Variants in TRAF3 observed in about 807,000 individuals in gnomAD.
TRAF3 encodes TNF receptor-associated factor 3.
A neutral mutation model predicts 62.3 loss-of-function variants in TRAF3; 13 were observed. The observed-to-expected ratio is 0.21, with a 90% CI of 0.14 to 0.33. TRAF3 has a LOEUF of 0.33. Among genes scored for constraint, TRAF3 ranks in the 10% least tolerant of loss-of-function variants. The pLI is 1.00. For synonymous variants in TRAF3, 269 were observed against 283.4 expected (o/e 0.95, Z 0.51); for missense variants, 440 against 741.8 (o/e 0.59, Z 4.73).
intron 1 of TRAF3, among the ~76,000 whole-genome samples, 197 bp from the exon 2 acceptor site, chr14:102,830,137 G>C (rs1900584237): frequency 6.6e-6 from 1 of 152,202 alleles, no homozygotes; most frequent in African/African-American, 2.4e-5. Flanking sequence ...CTCCTAGAGG[G>C]CCTGGCCAGA....
At chr14:102,800,961 G>A (rs1222728003) in intron 1 of TRAF3, among the ~76,000 whole-genome samples, 1 of 151,470 alleles carries the variant, frequency 6.6e-6, no homozygotes, top group East Asian at 1.9e-4. Flanking sequence ...GGCGGATCAC[G>A]AGGTCAGGAG....
intron 1 of TRAF3, among the ~76,000 whole-genome samples, chr14:102,807,445 C>G (rs952194590): frequency 7.2e-5 from 11 of 152,204 alleles, no homozygotes; most frequent in African/African-American, 2.4e-4. Context: ...AGGGCTGTGT[C>G]CCTTTCTACT....
intron 1 of TRAF3, among the ~76,000 whole-genome samples, chr14:102,785,805 C>T (rs1246239994): frequency 6.6e-6 from 1 of 152,158 alleles, no homozygotes; most frequent in East Asian, 1.9e-4. Flanking sequence ...TTTGTACCTG[C>T]TCCAGGAAGG....
At chr14:102,820,616 T>TATATATA (rs1899913065) in intron 1 of TRAF3, among the ~76,000 whole-genome samples, 1 of 21,656 alleles carries the variant, frequency 4.6e-5, no homozygotes, top group Non-Finnish European at 6.8e-5. Context: ...ATATATATAT[T>TATATATA]TTTTTTTTTT....
intron 1 of TRAF3, among the ~76,000 whole-genome samples, chr14:102,780,599 A>G (rs1477914030): frequency 6.6e-6 from 1 of 151,724 alleles, no homozygotes; most frequent in Admixed American, 6.6e-5. Context: ...GTGGGATGTC[A>G]TAAATGTTGA....
chr14:102,866,509 G>A (rs1201490747), intron 2 of TRAF3, among the ~76,000 whole-genome samples: 2 of 151,994 alleles, frequency 1.3e-5, no homozygotes, highest in Non-Finnish European at 2.9e-5. Flanking sequence ...AATAGATGGG[G>A]AATCTCCCCA....
Position 102,795,596 on chromosome 14 carries a change from A to ATGTGTGTGTGTGTGTGTGTGTG in TRAF3, c.-157+17922_-157+17923insGTGTGTGTGTGTGTGTGTGTGT, listed in dbSNP as rs1189667975. Among the ~76,000 whole-genome samples, 23 of 129,244 alleles carry ATGTGTGTGTGTGTGTGTGTGTG rather than the reference A, an allele frequency of 1.8e-4. No homozygotes were observed. The South Asian group carries it at 3.5e-3, about 19-fold the overall frequency. 84.8% of individuals were successfully genotyped at this position (129,244 alleles called of 152,430 possible). A position where few individuals can be genotyped will look rare whatever the true frequency, so the allele number is the denominator to read the frequency against. ...CATGATATGTATGCATGATATGTAT[A>ATGTGTGTGTGTGTGTGTGTGTG]TATGTGTGTGTGTGTGTGTGTGTGC... On this transcript the variant is annotated intron_variant, in intron 1 of 11. Transcript: ENST00000392745.
chr14:102,898,683 A>G (rs1890124061), intron 10 of TRAF3, among the ~76,000 whole-genome samples: 1 of 152,252 alleles, frequency 6.6e-6, no homozygotes, highest in Admixed American at 6.5e-5. Flanking sequence ...AAGTTAGAAT[A>G]TACACAGTGA....
rs184812720 is a variant in TRAF3 at position 102,871,980 on chromosome 14, T to G, written c.297+12T>G. On this transcript the variant is annotated intron_variant, in intron 4 of 11. Transcript: ENST00000392745. ...TCGTTAAAGATAAGGTATTCTGGGGTTTTTTTTAATCATTTTGTCACATGT... is the reference window on the plus strand; with the variant it reads ...TCGTTAAAGATAAGGTATTCTGGGGGTTTTTTTAATCATTTTGTCACATGT... 9.6e-4 allele frequency: 1,545 copies of G among 1,611,426 alleles called. 12 individuals carry two copies. In the African/African-American group the frequency reaches 0.018, roughly 19 times the overall value.
intron 1 of TRAF3, among the ~76,000 whole-genome samples, chr14:102,791,409 T>C (rs1897785882): frequency 6.6e-6 from 1 of 152,370 alleles, no homozygotes; most frequent in Non-Finnish European, 1.5e-5. Flanking sequence ...TTCATCTCTT[T>C]GGATAAATTT....
chr14:102,791,648 T>C, intron 1 of TRAF3, among the ~76,000 whole-genome samples: 1 of 152,238 alleles, frequency 6.6e-6, no homozygotes, highest in Non-Finnish European at 1.5e-5. Context: ...CTCTTCTTTC[T>C]AATTTGAATG....
intron 1 of TRAF3, among the ~76,000 whole-genome samples, chr14:102,805,443 C>A (rs1364764756): frequency 6.6e-6 from 1 of 152,160 alleles, no homozygotes; most frequent in African/African-American, 2.4e-5. Context: ...CCAGATGAGA[C>A]CCTCACTGCC....
At chr14:102,825,582 C>T (rs1900257486) in intron 1 of TRAF3, among the ~76,000 whole-genome samples, 2 of 152,238 alleles carry the variant, frequency 1.3e-5, no homozygotes, top group South Asian at 2.1e-4. Context: ...GCTCGAGATC[C>T]CCCACGGAGA....
At chr14:102,891,858 A>C (rs888446589) in intron 9 of TRAF3, among the ~76,000 whole-genome samples, 1 of 152,056 alleles carries the variant, frequency 6.6e-6, no homozygotes, top group African/African-American at 2.4e-5. Context: ...TTTACAGAAT[A>C]AGTTTGCCAG....
In TRAF3 at chr14:102,905,242, G is replaced by T; in HGVS notation, c.1165G>T (p.Asp389Tyr). Residue 389 changes from aspartate to tyrosine, a missense_variant, in exon 12 of 12, where the codon GAC becomes TAC. Asp to Tyr is a radical substitution (Grantham distance 160). Coordinates refer to ENST00000392745, the MANE Select transcript of TRAF3 (RefSeq NM_145725.3). ...GCTGGAGTCCCAGCTGAGCCGGCAT[G>T]ACCAGATGCTGAGTGTGCACGACAT... ...GLLESQLSRH[D>Y]QMLSVHDIRL... The T allele has an allele frequency of 6.2e-7, 1 of 1,614,002 alleles. No individual in the cohort carries two copies. Among genetic ancestry groups the T allele is most frequent in the South Asian group, 1.1e-5 (1 of 91,052 alleles).
chr14:102,790,602 A>G (rs1054120823), intron 1 of TRAF3, among the ~76,000 whole-genome samples: 3 of 152,176 alleles, frequency 2.0e-5, no homozygotes, highest in Non-Finnish European at 4.4e-5. Context: ...TTATAAAACC[A>G]TCAGATCTTG....
intron 1 of TRAF3, among the ~76,000 whole-genome samples, chr14:102,828,180 T>A (rs1196496110): frequency 6.6e-6 from 1 of 152,240 alleles, no homozygotes; most frequent in Non-Finnish European, 1.5e-5. Flanking sequence ...TTAAAGATTC[T>A]TTAAAAATCT....
At chr14:102,820,806 A>C (rs1842701657) in intron 1 of TRAF3, among the ~76,000 whole-genome samples, 1 of 149,844 alleles carries the variant, frequency 6.7e-6, no homozygotes, top group Non-Finnish European at 1.5e-5. Context: ...AGTTTTAAAA[A>C]ATTTTTTTAT....
intron 2 of TRAF3, among the ~76,000 whole-genome samples, chr14:102,834,437 G>A (rs774569900): frequency 8.6e-5 from 13 of 151,388 alleles, no homozygotes; most frequent in Admixed American, 3.3e-4. Context: ...GGTGGCTCAC[G>A]CTTGTAATCC....
Sources: allele counts gnomAD v4.1 joint callset (sites outside exome capture counted in the v4.1 genomes callset), GRCh38; gene constraint gnomAD v4.1.1; transcripts MANE v1.5; gene names NCBI Gene and HGNC (gene_info 2026-07-23, HGNC 2026-07-21).